The following DOCK5 variants were observed in gnomAD, a reference collection of about 807,000 sequenced individuals.
DOCK5 encodes the protein dedicator of cytokinesis protein 5.
A neutral mutation model predicts 251.8 loss-of-function variants in DOCK5; 142 were observed. The ratio of observed to expected loss-of-function variants is 0.56; its 90% CI spans 0.49 to 0.65. DOCK5 has a LOEUF of 0.65. Among genes scored for constraint, DOCK5 ranks in the 30% least tolerant of loss-of-function variants. The pLI is 0.00. For missense variants in DOCK5, 2,111 were observed against 2,312.3 expected, an observed-to-expected ratio of 0.91 and a Z score of 1.79; for synonymous variants, 842 against 835.5, an observed-to-expected ratio of 1.01 and a Z score of -0.13.
chr8:25,310,415 G>A lies in DOCK5; in HGVS notation c.1201G>A (p.Val401Ile). ...CTTTTATTTCTTTTAAGGCCTTTGG[G>A]TATCCTTGAAGCTCTTGCCCGGTGA... ...EVNHKGQGLWVSLKLLPGDLT... is the reference protein window; with the variant it reads ...EVNHKGQGLWISLKLLPGDLT... The change falls in exon 13 of 52, where the codon GTA becomes ATA. Residue 401 changes from valine to isoleucine, a missense_variant. Val to Ile is a conservative substitution (Grantham distance 29, BLOSUM62 3). Transcript: ENST00000276440. The A allele has an allele frequency of 1.2e-6, 2 of 1,610,120 alleles. No individual in the cohort carries two copies. The highest frequency in any genetic ancestry group is 1.7e-4 in the Middle Eastern group (1 of 6,016).
chr8:25,403,011 C>G (rs1247511263), intron 47 of DOCK5, among the ~76,000 whole-genome samples: 1 of 152,180 alleles, frequency 6.6e-6, no homozygotes, highest in Non-Finnish European at 1.5e-5. Flanking sequence ...ACAGCAAAGA[C>G]TGTCTTCGAT....
At chr8:25,234,544 C>A (rs1802745855) in intron 1 of DOCK5, among the ~76,000 whole-genome samples, 1 of 152,086 alleles carries the variant, frequency 6.6e-6, no homozygotes, top group Non-Finnish European at 1.5e-5. Context: ...GGAAGATATT[C>A]ATTGAGAAAA....
At chr8:25,368,111 G>A in intron 31 of DOCK5, 81 bp from the exon 32 acceptor site, 2 of 1,143,248 alleles carry the variant, frequency 1.7e-6, no homozygotes, top group East Asian at 2.5e-5. Flanking sequence ...GACACAGACT[G>A]TTTTTACTTT....
intron 1 of DOCK5, among the ~76,000 whole-genome samples, chr8:25,242,588 G>A (rs1050736864): frequency 4.6e-5 from 7 of 152,110 alleles, no homozygotes; most frequent in African/African-American, 1.4e-4. Context: ...ACATCTCTTC[G>A]TGTGCCTGTT....
chr8:25,220,680 C>T (rs1267501290), intron 1 of DOCK5, among the ~76,000 whole-genome samples: 4 of 152,092 alleles, frequency 2.6e-5, no homozygotes, highest in East Asian at 1.9e-4. Context: ...GGCGCAATCT[C>T]GGCTCACTGC....
chr8:25,296,894 T>C (rs1804630273), intron 7 of DOCK5, among the ~76,000 whole-genome samples: 2 of 152,080 alleles, frequency 1.3e-5, no homozygotes, highest in African/African-American at 4.8e-5. Context: ...GAAATGCTAT[T>C]ATTTGTGTTT....
chr8:25,276,516 C>T (rs1388239851), intron 4 of DOCK5, among the ~76,000 whole-genome samples: 1 of 151,958 alleles, frequency 6.6e-6, no homozygotes, highest in Non-Finnish European at 1.5e-5. Flanking sequence ...TACGGAGAGG[C>T]TGGGGTAGGA....
At chr8:25,305,266 AATT>A (rs1804874863) in intron 11 of DOCK5, 1 of 151,742 alleles carries the variant, frequency 6.6e-6, no homozygotes, top group Non-Finnish European at 1.5e-5. Flanking sequence ...TGATATCACA[AATT>A]AGTGGAGAAA....
intron 40 of DOCK5, among the ~76,000 whole-genome samples, chr8:25,385,355 G>T (rs945697604): frequency 6.6e-6 from 1 of 152,136 alleles, no homozygotes; most frequent in Admixed American, 6.5e-5. Flanking sequence ...GGCTAGACTC[G>T]GGACGTGGGG....
rs186151980 is a variant in DOCK5 at position 25,372,614 on chromosome 8, G to T, written c.3580G>T (p.Ala1194Ser). 17 of 1,604,764 alleles carry T rather than the reference G, an allele frequency of 1.1e-5. No individual in the cohort carries two copies. The East Asian group carries it at 1.6e-4, about 15-fold the overall frequency. Reference sequence around the variant, plus strand: ...CCTCTCCAGCTCTGGGGAGGTCTTCGCCCTCCTGGTCAGCAGCCTCTTAGA... The same window carrying T: ...CCTCTCCAGCTCTGGGGAGGTCTTCTCCCTCCTGGTCAGCAGCCTCTTAGA... Reference protein sequence around the residue: ...KYLSSSGEVFALLVSSLLENL... With the variant: ...KYLSSSGEVFSLLVSSLLENL... Residue 1194 changes from alanine (A) to serine (S), a missense_variant, in exon 35 of 52, where the codon GCC (alanine) becomes TCC (serine). By Grantham distance (99) the Ala-to-Ser change is moderately conservative. This residue lies in a region of DOCK5 where 1,717 missense variants were observed against 1,892.4 expected (regional missense o/e 0.91). Transcript: ENST00000276440.
At chr8:25,233,143 C>T (rs1471296863) in intron 1 of DOCK5, among the ~76,000 whole-genome samples, 1 of 152,150 alleles carries the variant, frequency 6.6e-6, no homozygotes, top group East Asian at 1.9e-4. Context: ...TGGCTGCCTG[C>T]ACAATAGCCT....
chr8:25,376,295 T>A, intron 37 of DOCK5: 3 of 984,358 alleles, frequency 3.0e-6, no homozygotes, highest in Non-Finnish European at 3.6e-6. Flanking sequence ...CAGCTTTTTT[T>A]CCCCCCAGAT....
rs1236422635 is a variant in DOCK5, at chr8:25,415,709, A to G, written c.*4411A>G. On this transcript the variant is annotated 3_prime_UTR_variant, in exon 52 of 52. Coordinates refer to ENST00000276440, the MANE Select transcript of DOCK5 (RefSeq NM_024940.8). ...TAAATTAAAAATGGAAATGTATTTT[A>G]AAGTTTATTGTGTGTTTAGTTTGTT... 6.6e-6 allele frequency: 1 copy of G among 152,222 alleles called. No homozygotes were observed. The highest frequency in any genetic ancestry group is 1.5e-5 in the Non-Finnish European group (1 of 68,042). The allele number at this position is 152,222 out of a possible 1,614,324, so 9.4% of individuals were successfully genotyped here. A position where few individuals can be genotyped will look rare whatever the true frequency, so the allele number is the denominator to read the frequency against.
At chr8:25,259,673 CT>C (rs1803519485) in intron 2 of DOCK5, among the ~76,000 whole-genome samples, 1 of 152,150 alleles carries the variant, frequency 6.6e-6, no homozygotes, top group African/African-American at 2.4e-5. Flanking sequence ...GTTGCCCAGG[CT>C]GGTCTTGAAC....
intron 38 of DOCK5, among the ~76,000 whole-genome samples, chr8:25,378,812 A>G (rs528212154): frequency 2.8e-4 from 42 of 152,354 alleles, no homozygotes; most frequent in Non-Finnish European, 5.1e-4. Flanking sequence ...CCCACCCCCA[A>G]TATTTCAACA....
At position 25,414,016 on chromosome 8, in the gene DOCK5, C is replaced by T. The variant is rs552366974; in HGVS notation, c.*2718C>T. 1 of 152,252 alleles carries T rather than the reference C, an allele frequency of 6.6e-6. No homozygotes were observed. The highest frequency in any genetic ancestry group is 2.1e-4 in the South Asian group (1 of 4,822). 9.4% of individuals were successfully genotyped at this position (152,252 alleles called of 1,614,324 possible). A position where few individuals can be genotyped will look rare whatever the true frequency, so the allele number is the denominator to read the frequency against. On this transcript the variant is annotated 3_prime_UTR_variant, in exon 52 of 52. Coordinates refer to ENST00000276440, the MANE Select transcript of DOCK5 (RefSeq NM_024940.8). ...AAAGAATTGGTCTTTATTTTTCTTG[C>T]TAAGAACTCTCTGGAGTATTGAAAG...
chr8:25,352,797 T>A (rs1412051310), intron 27 of DOCK5, among the ~76,000 whole-genome samples: 1 of 151,956 alleles, frequency 6.6e-6, no homozygotes, highest in East Asian at 1.9e-4. Context: ...CAAAATAAAC[T>A]ACATAGTGTT....
intron 20 of DOCK5, among the ~76,000 whole-genome samples, chr8:25,333,660 G>A (rs999306500): frequency 1.3e-5 from 2 of 152,160 alleles, no homozygotes; most frequent in Admixed American, 6.5e-5. Flanking sequence ...GAGGTAATTG[G>A]GAGATAAAAC....
chr8:25,204,086 G>T (rs540459285), intron 1 of DOCK5, among the ~76,000 whole-genome samples: 1 of 152,122 alleles, frequency 6.6e-6, no homozygotes, highest in Non-Finnish European at 1.5e-5. Flanking sequence ...TGCAGAAATA[G>T]TTACTTATAC....
Sources: allele counts gnomAD v4.1 joint callset (sites outside exome capture counted in the v4.1 genomes callset), GRCh38; gene constraint gnomAD v4.1.1; regional missense constraint gnomAD v4.1.1; transcripts MANE v1.5; gene names NCBI Gene and HGNC (gene_info 2026-07-23, HGNC 2026-07-21).